RAP1GAP2: variants seen among roughly 807,000 people sequenced by gnomAD.
The protein encoded by RAP1GAP2 is RAP1 GTPase activating protein 2.
RAP1GAP2 carries 27 observed loss-of-function variants against 95.0 expected under a neutral mutation model. The observed-to-expected ratio is 0.28, with a 90% CI of 0.21 to 0.39. The LOEUF (loss-of-function observed/expected upper bound fraction) is 0.39, where lower values mean the gene tolerates loss of function less well. RAP1GAP2 is among the 10% of genes least tolerant of loss of function. The pLI, the probability that RAP1GAP2 is intolerant of heterozygous loss-of-function variation, is 1.00. For synonymous variants in RAP1GAP2, 373 were observed against 380.9 expected, an observed-to-expected ratio of 0.98 and a Z score of 0.24; for missense variants, 771 against 970.0, an observed-to-expected ratio of 0.79 and a Z score of 2.72.
At chr17:3,024,396 G>T (rs760680464) in intron 19 of RAP1GAP2, among the ~76,000 whole-genome samples, 6 of 152,216 alleles carry the variant, frequency 3.9e-5, no homozygotes, top group Non-Finnish European at 7.3e-5. Context: ...AATAGTAACA[G>T]ATGTCAGAGA....
At chr17:2,927,468 A>C (rs2043007826) in intron 3 of RAP1GAP2, among the ~76,000 whole-genome samples, 1 of 152,130 alleles carries the variant, frequency 6.6e-6, no homozygotes, top group Admixed American at 6.5e-5. Flanking sequence ...AGTCTTTCTC[A>C]CACCGCCGTC....
chr17:2,795,769 G>T (rs1171664235), upstream of RAP1GAP2, among the ~76,000 whole-genome samples: 3 of 152,208 alleles, frequency 2.0e-5, no homozygotes, highest in African/African-American at 7.2e-5. Flanking sequence ...AGCGTGTGCA[G>T]GTGTGTCTAC....
intron 2 of RAP1GAP2, among the ~76,000 whole-genome samples, chr17:2,832,885 A>G (rs530021581): frequency 6.6e-6 from 1 of 151,584 alleles, no homozygotes; most frequent in Non-Finnish European, 1.5e-5. Flanking sequence ...GGGCTGAGGC[A>G]GGAGACTTGC....
intron 3 of RAP1GAP2, among the ~76,000 whole-genome samples, chr17:2,913,208 T>G (rs28529517): frequency 0.09 from 13,630 of 151,918 alleles, 1,298 homozygotes; most frequent in East Asian, 0.33. Context: ...CATGAAGATG[T>G]CTGCATGTGC....
chr17:2,800,107 A>G (rs1202746447), intron 1 of RAP1GAP2: 1 of 799,214 alleles, frequency 1.3e-6, no homozygotes, highest in Non-Finnish European at 1.5e-6. Flanking sequence ...CCTGGCATTC[A>G]GATTGACATC....
rs968151102 is a variant in RAP1GAP2, at chr17:2,975,193, A to G, written c.597-5094A>G. Among the ~76,000 whole-genome samples, 5 of 152,170 alleles carry G rather than the reference A, an allele frequency of 3.3e-5. No homozygotes were observed. The East Asian group carries it at 7.7e-4, about 23-fold the overall frequency. ...TGCAGTGAGCTGAAATTGCGCCACA[A>G]TACTACTCCAGCAGGTGACAGAGCA... is the stretch of plus-strand genomic sequence containing the variant. On this transcript the variant is annotated intron_variant, in intron 8 of 24. Transcript: ENST00000254695.
chr17:2,776,543 C>CCCGCCCCT (rs1278155166), upstream of RAP1GAP2, among the ~76,000 whole-genome samples: 2 of 152,064 alleles, frequency 1.3e-5, no homozygotes, highest in Non-Finnish European at 2.9e-5. Flanking sequence ...CCTCCCGGTG[C>CCCGCCCCT]CCGCCCCTCC....
intron 3 of RAP1GAP2, among the ~76,000 whole-genome samples, chr17:2,948,147 CTG>C (rs1440432255): frequency 6.6e-6 from 1 of 152,202 alleles, no homozygotes; most frequent in Non-Finnish European, 1.5e-5. Context: ...TGCCACAGCT[CTG>C]TGAGTTAGCG....
chr17:2,830,755 G>T (rs2070794230), intron 2 of RAP1GAP2, among the ~76,000 whole-genome samples: 1 of 151,846 alleles, frequency 6.6e-6, no homozygotes, highest in South Asian at 2.1e-4. Context: ...AAAAGATTTT[G>T]AACAGTAAAT....
chr17:2,799,415 C>G (rs377196808), intron 1 of RAP1GAP2, among the ~76,000 whole-genome samples: 1 of 152,164 alleles, frequency 6.6e-6, no homozygotes. Context: ...GAAAGGACCC[C>G]GTCCCCTAGC....
intron 2 of RAP1GAP2, among the ~76,000 whole-genome samples, chr17:2,901,126 G>T (rs1014173618): frequency 1.3e-5 from 2 of 152,160 alleles, no homozygotes; most frequent in Admixed American, 1.3e-4. Flanking sequence ...TTTGGCCAAC[G>T]CTGGCTAGGA....
At chr17:2,765,303 T>G (rs2068252120) in intron 1 of RAP1GAP2, among the ~76,000 whole-genome samples, 1 of 152,046 alleles carries the variant, frequency 6.6e-6, no homozygotes, top group South Asian at 2.1e-4. Flanking sequence ...CAACACCACT[T>G]CCTTAGCACA....
In RAP1GAP2 at chr17:2,857,924, A is replaced by C. The variant is rs1307690916; in HGVS notation, c.81-47360A>C. The stretch of plus-strand genomic sequence containing the variant: ...AAACCACCCTGGCCAACATGGCAAA[A>C]ACCCATCTCTACTAAAAATGCAAAA... On this transcript the variant is annotated intron_variant, in intron 2 of 24. Coordinates refer to ENST00000254695, the MANE Select transcript of RAP1GAP2 (RefSeq NM_015085.5). The surrounding 1 kb of genome is among the most constrained non-coding windows in gnomAD (Gnocchi z 4.0). 6.6e-6 allele frequency among the ~76,000 whole-genome samples: 1 copy of C among 152,140 alleles called. No homozygotes were observed. Among genetic ancestry groups the C allele is most frequent in the African/African-American group, 2.4e-5 (1 of 41,400 alleles).
At chr17:2,800,652 G>A (rs1032220132) in intron 2 of RAP1GAP2, 102 bp downstream of exon 2, 79 of 1,252,748 alleles carry the variant, frequency 6.3e-5, no homozygotes, top group African/African-American at 1.3e-4. Flanking sequence ...AGGGGCTGTC[G>A]TGTTTGTCAG....
chr17:2,916,820 A>G (rs1272985138), intron 3 of RAP1GAP2, among the ~76,000 whole-genome samples: 2 of 152,176 alleles, frequency 1.3e-5, no homozygotes, highest in African/African-American at 2.4e-5. Flanking sequence ...GCTTCTCTCT[A>G]GGGAACCCAG....
chr17:2,759,519 C>T lies in RAP1GAP2; in HGVS notation c.50+3752C>T, dbSNP rs181883677. Among the ~76,000 whole-genome samples the T allele has an allele frequency of 1.3e-4, 20 of 152,266 alleles. No homozygotes were observed. The East Asian group carries it at 3.9e-3, about 29-fold the overall frequency. ...AGGCTGGAGTGCAATGGTACAACCTCAGCTCACTGCAACCTCCGCCTCCCA... is the reference window on the plus strand; with the variant it reads ...AGGCTGGAGTGCAATGGTACAACCTTAGCTCACTGCAACCTCCGCCTCCCA... On this transcript the variant is annotated intron_variant, in intron 1 of 25. Transcript: ENST00000637138.
chr17:3,035,019 A>G lies in RAP1GAP2; in HGVS notation c.*1658A>G, dbSNP rs1313476355. The G allele has an allele frequency of 6.9e-6, 1 of 144,412 alleles. No homozygotes were observed. The highest frequency in any genetic ancestry group is 2.2e-4 in the South Asian group (1 of 4,608). The allele number at this position is 144,412 out of a possible 1,614,324, so 8.9% of individuals were successfully genotyped here. A position where few individuals can be genotyped will look rare whatever the true frequency, so the allele number is the denominator to read the frequency against. On this transcript the variant is annotated 3_prime_UTR_variant, in exon 25 of 25. Coordinates refer to ENST00000254695, the MANE Select transcript of RAP1GAP2 (RefSeq NM_015085.5). The surrounding 1 kb of genome is among the most constrained non-coding windows in gnomAD (Gnocchi z 4.3). ...TAACTGACATTGTGAAATTCTCCCT[A>G]TAGCTTTTGCCATTCAAGCAACATT...
chr17:2,910,052 G>A (rs2042321532), intron 3 of RAP1GAP2, among the ~76,000 whole-genome samples: 1 of 152,212 alleles, frequency 6.6e-6, no homozygotes, highest in Non-Finnish European at 1.5e-5. Flanking sequence ...CCTTACACCA[G>A]CCTGCTCACC....
At chr17:2,995,500 G>A in intron 13 of RAP1GAP2, 34 bp downstream of exon 13, 1 of 1,611,884 alleles carries the variant, frequency 6.2e-7, no homozygotes, top group Non-Finnish European at 8.5e-7. Context: ...GGGAGCCCAG[G>A]GCGGGCGAGG....
Sources: gnomAD v4.1 joint callset for allele counts (sites outside exome capture counted in the v4.1 genomes callset) on GRCh38, gnomAD v4.1.1 for gene constraint, Gnocchi (gnomAD v3.1) non-coding constraint, MANE v1.5 for transcripts, NCBI Gene and HGNC (gene_info 2026-07-23, HGNC 2026-07-21) for gene names.